NR2F1-AS1: variants seen among roughly 807,000 people sequenced by gnomAD.
NR2F1-AS1 encodes the protein NR2F1 regulatory antisense RNA 1.
chr5:93,447,689 G>T (rs905611110), intron 4 of NR2F1-AS1, among the ~76,000 whole-genome samples: 3 of 152,126 alleles, frequency 2.0e-5, no homozygotes, highest in Non-Finnish European at 4.4e-5. Context: ...ATTTGACCCA[G>T]CCATCCCATT....
chr5:93,524,884 T>C (rs1384693102), intron 4 of NR2F1-AS1, among the ~76,000 whole-genome samples: 1 of 152,060 alleles, frequency 6.6e-6, no homozygotes, highest in African/African-American at 2.4e-5. Flanking sequence ...GAAAAACCAA[T>C]ACCAGCCACT....
chr5:93,502,421 A>G (rs1290688141), intron 4 of NR2F1-AS1, among the ~76,000 whole-genome samples: 1 of 152,208 alleles, frequency 6.6e-6, no homozygotes, highest in Non-Finnish European at 1.5e-5. Flanking sequence ...AGCCAAAGTT[A>G]CAAGAGTATA....
chr5:93,459,404 G>C (rs763648112), intron 4 of NR2F1-AS1, among the ~76,000 whole-genome samples: 6 of 152,042 alleles, frequency 3.9e-5, no homozygotes, highest in Non-Finnish European at 7.4e-5. Flanking sequence ...ATCCACTAAA[G>C]AGACTACAAT....
In NR2F1-AS1 at chr5:93,456,406, A is replaced by G. The variant is rs115551910; in HGVS notation, n.639-60864T>C. Among the ~76,000 whole-genome samples, 568 of 152,304 alleles carry G rather than the reference A, an allele frequency of 3.7e-3. 5 individuals are homozygous for G. Among genetic ancestry groups the G allele is most frequent in the African/African-American group, 0.013 (555 of 41,576 alleles). ...AACAAACTATGTAAAAGATCTGTAC[A>G]ATGAAAACTATAAAATGTTGCTGAC... On this transcript the variant is annotated intron_variant and non_coding_transcript_variant, in intron 4 of 5. Coordinates refer to ENST00000660523, the Ensembl canonical transcript of NR2F1-AS1.
At chr5:93,498,451 G>A (rs939966817) in intron 4 of NR2F1-AS1, among the ~76,000 whole-genome samples, 3 of 151,940 alleles carry the variant, frequency 2.0e-5, no homozygotes, top group African/African-American at 7.2e-5. Flanking sequence ...TCTTACTTCT[G>A]GCTCAAAGTT....
intron 4 of NR2F1-AS1, among the ~76,000 whole-genome samples, chr5:93,526,222 A>G (rs1010549748): frequency 6.6e-6 from 1 of 152,226 alleles, no homozygotes; most frequent in East Asian, 1.9e-4. Context: ...AATGCTATAA[A>G]TACCTCTATG....
chr5:93,582,162 G>A (rs1246794271), upstream of NR2F1-AS1, among the ~76,000 whole-genome samples: 1 of 132,166 alleles, frequency 7.6e-6, no homozygotes, highest in African/African-American at 3.0e-5. Context: ...CTTTTCCCGG[G>A]ACTGACTTGG....
At chr5:93,583,599 G>C (rs1753168472), upstream of NR2F1-AS1, 1 of 151,608 alleles carries the variant, frequency 6.6e-6, no homozygotes, top group African/African-American at 2.4e-5. Context: ...ATACATATAT[G>C]ATTTTTTTTG....
intron 4 of NR2F1-AS1, among the ~76,000 whole-genome samples, chr5:93,491,489 T>G (rs957020283): frequency 2.6e-5 from 4 of 152,212 alleles, no homozygotes; most frequent in Middle Eastern, 3.4e-3. Flanking sequence ...AATTTTTTTG[T>G]GTCACCTTTA....
chr5:93,448,502 ATC>A (rs1749763903), intron 4 of NR2F1-AS1, among the ~76,000 whole-genome samples: 1 of 152,206 alleles, frequency 6.6e-6, no homozygotes, highest in South Asian at 2.1e-4. Flanking sequence ...AGCCAAAAAC[ATC>A]TGATAGGGAT....
intron 4 of NR2F1-AS1, among the ~76,000 whole-genome samples, chr5:93,510,800 C>T (rs1422065112): frequency 6.6e-6 from 1 of 152,154 alleles, no homozygotes; most frequent in Non-Finnish European, 1.5e-5. Flanking sequence ...CTGTGCTATT[C>T]ATCCATACAA....
intron 4 of NR2F1-AS1, among the ~76,000 whole-genome samples, chr5:93,522,736 G>A (rs775248293): frequency 2.0e-5 from 3 of 150,582 alleles, no homozygotes; most frequent in South Asian, 2.1e-4. Flanking sequence ...CCCAGGAACT[G>A]CAAGGGGTCA....
At chr5:93,481,677 G>A (rs537939455) in intron 4 of NR2F1-AS1, among the ~76,000 whole-genome samples, 5 of 151,878 alleles carry the variant, frequency 3.3e-5, no homozygotes, top group African/African-American at 9.7e-5. Flanking sequence ...ATTTTCAATC[G>A]ACTTCAAAAT....
intron 4 of NR2F1-AS1, among the ~76,000 whole-genome samples, chr5:93,539,344 G>C (rs1751902527): frequency 6.6e-6 from 1 of 151,944 alleles, no homozygotes; most frequent in Non-Finnish European, 1.5e-5. Flanking sequence ...GCCAAGATAG[G>C]GAATCAACCT....
chr5:93,554,781 C>A (rs1020746322), intron 3 of NR2F1-AS1: 3 of 152,102 alleles, frequency 2.0e-5, no homozygotes, highest in African/African-American at 7.2e-5. Flanking sequence ...TTTCAGTGCT[C>A]CATAGTTGTT....
chr5:93,417,635 G>A (rs558633037), intron 4 of NR2F1-AS1, among the ~76,000 whole-genome samples: 1 of 152,318 alleles, frequency 6.6e-6, no homozygotes, highest in African/African-American at 2.4e-5. Context: ...TGATCTAACA[G>A]CGAGGCTGCC....
At chr5:93,467,347 G>C (rs986709681) in intron 4 of NR2F1-AS1, among the ~76,000 whole-genome samples, 1 of 152,114 alleles carries the variant, frequency 6.6e-6, no homozygotes, top group Admixed American at 6.6e-5. Context: ...TCCCAGAGAA[G>C]ACTTGTATCA....
chr5:93,532,924 T>C (rs1180239418), intron 4 of NR2F1-AS1, among the ~76,000 whole-genome samples: 2 of 152,202 alleles, frequency 1.3e-5, no homozygotes, highest in Non-Finnish European at 2.9e-5. Context: ...AGAAAAAGCA[T>C]AAATTTTTAA....
At chr5:93,482,196 C>A (rs1379274103) in intron 4 of NR2F1-AS1, among the ~76,000 whole-genome samples, 1 of 152,074 alleles carries the variant, frequency 6.6e-6, no homozygotes, top group Non-Finnish European at 1.5e-5. Context: ...GTCTACAGCT[C>A]CCAGTGAGAC....
Sources: gnomAD v4.1 joint callset for allele counts (sites outside exome capture counted in the v4.1 genomes callset) on GRCh38, gnomAD v4.1.1 for gene constraint, MANE v1.5 for transcripts, NCBI Gene and HGNC (gene_info 2026-07-23, HGNC 2026-07-21) for gene names.